Variants in KDM5A observed in about 807,000 individuals in gnomAD.
KDM5A encodes lysine-specific demethylase 5A.
A neutral mutation model predicts 193.5 loss-of-function variants in KDM5A; 42 were observed. The observed-to-expected ratio is 0.22, with a 90% CI of 0.17 to 0.28. KDM5A has a LOEUF of 0.28. Ranked by LOEUF, KDM5A falls within the 10% of genes least tolerant of loss-of-function variation. The pLI is 1.00. For missense variants in KDM5A, 1,692 were observed against 2,055.1 expected, an observed-to-expected ratio of 0.82 and a Z score of 3.42; for synonymous variants, 796 against 718.1, an observed-to-expected ratio of 1.11 and a Z score of -1.73.
chr12:303,310 T>A (rs1266616949), intron 24 of KDM5A, among the ~76,000 whole-genome samples: 1 of 152,050 alleles, frequency 6.6e-6, no homozygotes, highest in Non-Finnish European at 1.5e-5. Flanking sequence ...AGCACATATA[T>A]ACCATGGAAT....
At chr12:299,569 A>G (rs185159084) in intron 24 of KDM5A, among the ~76,000 whole-genome samples, 1 of 152,292 alleles carries the variant, frequency 6.6e-6, no homozygotes, top group East Asian at 1.9e-4. Context: ...GAAAGGAACA[A>G]TCGGTACCAG....
chr12:344,982 A>C (rs1468414501), intron 10 of KDM5A, among the ~76,000 whole-genome samples: 1 of 152,228 alleles, frequency 6.6e-6, no homozygotes, highest in Non-Finnish European at 1.5e-5. Flanking sequence ...AAATTGGAAA[A>C]AGAGTCAAGA....
chr12:331,981 A>G (rs1943871490), intron 12 of KDM5A, 43 bp from the exon 13 acceptor site: 1 of 1,585,926 alleles, frequency 6.3e-7, no homozygotes, highest in Admixed American at 1.7e-5. Flanking sequence ...TAAAAAATAA[A>G]AATAACAAAC....
intron 14 of KDM5A, among the ~76,000 whole-genome samples, chr12:326,743 C>T (rs1445619152): frequency 6.6e-6 from 1 of 151,890 alleles, no homozygotes; most frequent in Non-Finnish European, 1.5e-5. Context: ...CGCCTGTAGT[C>T]CCAGCTACTC....
At chr12:383,374 CCA>C (rs1260441523) in intron 3 of KDM5A, among the ~76,000 whole-genome samples, 2 of 151,926 alleles carry the variant, frequency 1.3e-5, no homozygotes, top group Non-Finnish European at 2.9e-5. Context: ...ACCACCATGC[CCA>C]GTTAGCTTTT....
At chr12:335,251 G>A (rs181679206) in intron 10 of KDM5A, among the ~76,000 whole-genome samples, 62 of 152,304 alleles carry the variant, frequency 4.1e-4, no homozygotes, top group African/African-American at 1.1e-3. Flanking sequence ...TATTGGCACC[G>A]GAGAAGGACT....
At chr12:301,310 C>T (rs139281133) in intron 24 of KDM5A, among the ~76,000 whole-genome samples, 270 of 152,320 alleles carry the variant, frequency 1.8e-3, no homozygotes, top group Admixed American at 4.9e-3. Flanking sequence ...TCCAGCAGTA[C>T]ATCAAAAAGC....
intron 3 of KDM5A, among the ~76,000 whole-genome samples, chr12:381,661 GCTTA>G (rs764979075): frequency 3.9e-5 from 6 of 152,012 alleles, no homozygotes; most frequent in Non-Finnish European, 7.4e-5. Context: ...TTGACACAGT[GCTTA>G]CTTACTAACA....
At chr12:298,895 G>A (rs977691389) in intron 24 of KDM5A, among the ~76,000 whole-genome samples, 28 of 151,852 alleles carry the variant, frequency 1.8e-4, no homozygotes, top group African/African-American at 5.6e-4. Context: ...CGAGAACTTC[G>A]TGAAGCATAC....
At chr12:306,126 C>A (rs1295697260) in intron 24 of KDM5A, among the ~76,000 whole-genome samples, 1 of 151,856 alleles carries the variant, frequency 6.6e-6, no homozygotes, top group African/African-American at 2.4e-5. Context: ...TGTGTGCTAC[C>A]ACACCCAACT....
chr12:358,950 G>A (rs895496818), intron 5 of KDM5A, among the ~76,000 whole-genome samples: 2 of 151,256 alleles, frequency 1.3e-5, no homozygotes, highest in East Asian at 1.9e-4. Flanking sequence ...CAGCCTGGGC[G>A]ACAGAGCAAG....
rs1261915719 is a variant in KDM5A at position 362,846 on chromosome 12, T to C, written c.672+117A>G. ...CACAGCAGCGCATACCAACCAGCAA[T>C]ACTCAAGAGGCGGAGGCAAGAGGAT... On this transcript the variant is annotated intron_variant, in intron 5 of 27. Transcript: ENST00000399788. 5.5e-6 allele frequency: 5 copies of C among 912,310 alleles called. No individual in the cohort carries two copies. The Admixed American group carries it at 1.0e-4, about 18-fold the overall frequency. 56.5% of individuals were successfully genotyped at this position (912,310 alleles called of 1,614,324 possible).
intron 8 of KDM5A, among the ~76,000 whole-genome samples, chr12:353,177 T>A (rs1280815440): frequency 6.6e-6 from 1 of 151,962 alleles, no homozygotes; most frequent in African/African-American, 2.4e-5. Context: ...ACCTTGTCTC[T>A]ACAAAAAATA....
At chr12:289,903 C>CTTTCTT (rs1943269686) in intron 27 of KDM5A, among the ~76,000 whole-genome samples, 1 of 106,740 alleles carries the variant, frequency 9.4e-6, no homozygotes, top group African/African-American at 4.0e-5. Flanking sequence ...TTTTTTCTTT[C>CTTTCTT]TTTCTTTTTT....
Position 285,704 on chromosome 12 carries a change from A to G in KDM5A, c.4867-42T>C, listed in dbSNP as rs768395579. On this transcript the variant is annotated intron_variant, in intron 27 of 27. Transcript: ENST00000399788. Reference sequence around the variant, plus strand: ...TGGGGAATGTTTAGGTTACATAAACATTAAGCCTAGAATAAAAGCAAACCA... The same window carrying G: ...TGGGGAATGTTTAGGTTACATAAACGTTAAGCCTAGAATAAAAGCAAACCA... The G allele has an allele frequency of 3.8e-6, 6 of 1,566,160 alleles. No homozygotes were observed. In the East Asian group the frequency reaches 1.1e-4, roughly 29 times the overall value.
chr12:346,681 A>G (rs1944081144), intron 10 of KDM5A, among the ~76,000 whole-genome samples: 1 of 152,238 alleles, frequency 6.6e-6, no homozygotes, highest in Non-Finnish European at 1.5e-5. Context: ...GATTATCTCA[A>G]TAGATGCAGA....
intron 3 of KDM5A, 52 bp from the exon 4 acceptor site, chr12:366,156 T>G (rs1298152476): frequency 1.3e-6 from 2 of 1,517,318 alleles, no homozygotes; most frequent in Non-Finnish European, 1.8e-6. Flanking sequence ...TCAAGCATCT[T>G]GACTCTTAAG....
At position 309,934 on chromosome 12, in the gene KDM5A, A is replaced by G; in HGVS notation, c.3247T>C (p.Tyr1083His). ...VLSPRTDIGV[Y>H]GSGKNRRKKV... ...TTCCTCCTATTTTTGCCACTCCCATATACACCAATGTCGGTCCGGGGGCTC... is the reference window on the plus strand; with the variant it reads ...TTCCTCCTATTTTTGCCACTCCCATGTACACCAATGTCGGTCCGGGGGCTC... The change falls in exon 22 of 28, where the codon TAT becomes CAT. Residue 1083 changes from tyrosine (Y) to histidine (H), a missense_variant. Physicochemically the swap from Tyr to His is moderately conservative, Grantham distance 83 (BLOSUM62 2). Transcript: ENST00000399788. 1 of 1,613,686 alleles carries G rather than the reference A, an allele frequency of 6.2e-7. No individual in the cohort carries two copies. The highest frequency in any genetic ancestry group is 1.3e-5 in the African/African-American group (1 of 74,930).
chr12:318,126 A>G lies in KDM5A; in HGVS notation c.2877T>C (p.Ala959=), dbSNP rs201285736. The G allele has an allele frequency of 5.0e-5, 81 of 1,614,024 alleles. No homozygotes were observed. Among genetic ancestry groups the G allele is most frequent in the South Asian group, 4.4e-5 (4 of 91,086 alleles). The change falls in exon 19 of 28, where the codon GCT becomes GCC. Residue 959 remains alanine (A), a synonymous_variant. Coordinates refer to ENST00000399788, the MANE Select transcript of KDM5A (RefSeq NM_001042603.3). ...TTCACCTTGCCTGTAGGCAGACCTT[A>G]GCCTTTTCTTCCCATCGTTCAGAGA... is the stretch of plus-strand genomic sequence containing the variant. ...LTVSERWEEK[A]KVCLQARPRH... is the part of the protein sequence containing the mutation.
Sources: allele counts gnomAD v4.1 joint callset (sites outside exome capture counted in the v4.1 genomes callset), GRCh38; gene constraint gnomAD v4.1.1; transcripts MANE v1.5; gene names NCBI Gene and HGNC (gene_info 2026-07-23, HGNC 2026-07-21).